PCCA: variants seen among roughly 807,000 people sequenced by gnomAD.
PCCA encodes propionyl-CoA carboxylase subunit alpha, also known as propionyl-CoA carboxylase alpha chain, mitochondrial.
PCCA carries 74 observed loss-of-function variants against 101.3 expected under a neutral mutation model. The ratio of observed to expected loss-of-function variants is 0.73; its 90% confidence interval spans 0.61 to 0.89. The LOEUF is 0.89. Among genes scored for constraint, PCCA ranks in the 40% least tolerant of loss-of-function variants. PCCA has a pLI of 0.00. For synonymous variants in PCCA, 294 were observed against 313.6 expected (o/e 0.94, Z 0.66); for missense variants, 891 against 907.0 (o/e 0.98, Z 0.23).
chr13:100,427,088 G>T (rs2079199938), intron 20 of PCCA, among the ~76,000 whole-genome samples: 1 of 152,084 alleles, frequency 6.6e-6, no homozygotes, highest in African/African-American at 2.4e-5. Flanking sequence ...GTGGTGGCGG[G>T]CGCCTGTATT....
In PCCA at chr13:100,119,868, T is replaced by C. The variant is rs189113794; in HGVS notation, c.300+7807T>C. ...TGCAGACTGATTTTCATTTTTATAT[T>C]ATTTATTTATTTATTTATTTGAGCC... On this transcript the variant is annotated intron_variant, in intron 4 of 23. Coordinates refer to ENST00000376285, the MANE Select transcript of PCCA (RefSeq NM_000282.4). Among the ~76,000 whole-genome samples, 4 of 152,036 alleles carry C rather than the reference T, an allele frequency of 2.6e-5. No individual in the cohort carries two copies. The East Asian group carries it at 5.8e-4, about 22-fold the overall frequency.
rs199575872 is a variant in PCCA at position 100,214,228 on chromosome 13, A to AT, written c.600+4774dup. On this transcript the variant is annotated intron_variant, in intron 7 of 23. Transcript: ENST00000376285. ...TTTGTGGTTCTATATAAATTTTAGGATTTTTTTTTCTATTTCTGTGAAGAT... is the reference window on the plus strand; with the variant it reads ...TTTGTGGTTCTATATAAATTTTAGGATTTTTTTTTTCTATTTCTGTGAAGAT... 5.7e-3 allele frequency among the ~76,000 whole-genome samples: 851 copies of AT among 150,480 alleles called. 8 individuals carry two copies. Among genetic ancestry groups the AT allele is most frequent in the African/African-American group, 0.02 (805 of 40,956 alleles).
chr13:100,241,116 C>T lies in PCCA; in HGVS notation c.637+5238C>T, dbSNP rs374040527. Among the ~76,000 whole-genome samples the T allele has an allele frequency of 9.7e-4, 147 of 152,186 alleles. 4 individuals carry two copies. The South Asian group carries it at 0.028, about 29-fold the overall frequency. ...GATAAATTTTTAATACTATACAATT[C>T]AGCCTTTCAAAGTGCACAATTCGGT... On this transcript the variant is annotated intron_variant, in intron 8 of 23. Coordinates refer to ENST00000376285, the MANE Select transcript of PCCA (RefSeq NM_000282.4).
intron 21 of PCCA, among the ~76,000 whole-genome samples, chr13:100,450,138 A>C (rs1406216901): frequency 1.3e-5 from 2 of 152,202 alleles, no homozygotes; most frequent in African/African-American, 4.8e-5. Context: ...TAATCCCAGC[A>C]CTTTGGGAGG....
At chr13:100,499,502 C>G (rs2085514791) in intron 21 of PCCA, among the ~76,000 whole-genome samples, 1 of 152,256 alleles carries the variant, frequency 6.6e-6, no homozygotes, top group African/African-American at 2.4e-5. Context: ...CTTTAATCAG[C>G]AGAGTAATAG....
intron 21 of PCCA, among the ~76,000 whole-genome samples, chr13:100,475,577 G>A (rs998405314): frequency 3.9e-5 from 6 of 151,962 alleles, no homozygotes; most frequent in Non-Finnish European, 8.8e-5. Context: ...CTGTCTTTTC[G>A]GCTACTGTGA....
chr13:100,198,797 TCTGC>T (rs1460434285), intron 6 of PCCA, among the ~76,000 whole-genome samples: 6 of 152,062 alleles, frequency 3.9e-5, no homozygotes, highest in African/African-American at 9.7e-5. Context: ...CCACACCCGG[TCTGC>T]AGTTGCCACA....
chr13:100,212,048 C>G (rs1451189464), intron 7 of PCCA, among the ~76,000 whole-genome samples: 1 of 152,184 alleles, frequency 6.6e-6, no homozygotes, highest in Non-Finnish European at 1.5e-5. Context: ...CCTATTGCCA[C>G]TTTTCTGACC....
At chr13:100,457,833 T>C (rs898179097) in intron 21 of PCCA, among the ~76,000 whole-genome samples, 1 of 152,270 alleles carries the variant, frequency 6.6e-6, no homozygotes, top group South Asian at 2.1e-4. Context: ...TAAGAGCAAG[T>C]GTGAGCCCTC....
intron 21 of PCCA, among the ~76,000 whole-genome samples, chr13:100,479,189 C>T (rs1025912527): frequency 6.6e-6 from 1 of 152,210 alleles, no homozygotes; most frequent in Non-Finnish European, 1.5e-5. Flanking sequence ...TAAACTCCTG[C>T]TGGTTACTCA....
At chr13:100,366,068 T>C (rs1413458666) in intron 18 of PCCA, among the ~76,000 whole-genome samples, 1 of 152,176 alleles carries the variant, frequency 6.6e-6, no homozygotes, top group African/African-American at 2.4e-5. Context: ...AGATGTAACT[T>C]GGTGTGGGGT....
intron 6 of PCCA, among the ~76,000 whole-genome samples, chr13:100,203,157 C>G (rs920516455): frequency 1.5e-4 from 23 of 151,820 alleles, no homozygotes; most frequent in African/African-American, 5.6e-4. Flanking sequence ...GTCTGTAGTC[C>G]CAGCTACTTG....
intron 5 of PCCA, 63 bp downstream of exon 5, chr13:100,155,155 T>C: frequency 9.1e-7 from 1 of 1,097,920 alleles, no homozygotes; most frequent in Non-Finnish European, 1.4e-6. Context: ...AAGCTAGAGT[T>C]TGTATTTAAA....
At chr13:100,464,675 G>A (rs1235908204) in intron 21 of PCCA, 3 of 152,166 alleles carry the variant, frequency 2.0e-5, no homozygotes, top group Admixed American at 6.6e-5. Flanking sequence ...TGTTTTGTAA[G>A]TGAATATGGA....
At chr13:100,276,213 C>CAA (rs59671834) in intron 12 of PCCA, among the ~76,000 whole-genome samples, 6,727 of 100,076 alleles carry the variant, frequency 0.067, 480 homozygotes, top group East Asian at 0.08. Flanking sequence ...TTGTCTGTAC[C>CAA]AAAAAAAAAA....
chr13:100,184,564 G>A (rs72658523), intron 6 of PCCA, among the ~76,000 whole-genome samples: 7,870 of 152,050 alleles, frequency 0.052, 298 homozygotes, highest in Non-Finnish European at 0.081. Flanking sequence ...TTCTGTAAAG[G>A]GCCAGATAAT....
At chr13:100,129,861 C>T (rs1262106171) in intron 4 of PCCA, among the ~76,000 whole-genome samples, 2 of 152,212 alleles carry the variant, frequency 1.3e-5, no homozygotes, top group Non-Finnish European at 2.9e-5. Flanking sequence ...TTGCATTTGG[C>T]ACTTCCTGCT....
At chr13:100,219,305 A>G (rs1486154984) in intron 7 of PCCA, among the ~76,000 whole-genome samples, 5 of 152,034 alleles carry the variant, frequency 3.3e-5, no homozygotes, top group African/African-American at 1.2e-4. Context: ...TTCAATTTGG[A>G]CTTGATTTAT....
At chr13:100,501,742 C>T (rs1395380921) in intron 21 of PCCA, among the ~76,000 whole-genome samples, 7 of 152,006 alleles carry the variant, frequency 4.6e-5, no homozygotes, top group African/African-American at 7.3e-5. Flanking sequence ...GGCATGGTGG[C>T]GCATACCTGT....
Sources: gnomAD v4.1 joint callset for allele counts (sites outside exome capture counted in the v4.1 genomes callset) on GRCh38, gnomAD v4.1.1 for gene constraint, MANE v1.5 for transcripts, NCBI Gene and HGNC (gene_info 2026-07-23, HGNC 2026-07-21) for gene names.